Variants in PCDHA11 observed in about 807,000 individuals in gnomAD.
PCDHA11 encodes protocadherin alpha 11.
In PCDHA11, 61 loss-of-function variants were observed where a neutral mutation model predicts 70.3. The ratio of observed to expected loss-of-function variants is 0.87; its 90% confidence interval spans 0.71 to 1.07. The LOEUF is 1.07. Among genes scored for constraint, PCDHA11 ranks in the 50% least tolerant of loss-of-function variants. The pLI, the probability that PCDHA11 is intolerant of heterozygous loss-of-function variation, is 0.00. For missense variants in PCDHA11, 1,324 were observed against 1,237.5 expected (o/e 1.07, Z -1.05); for synonymous variants, 633 against 555.1 (o/e 1.14, Z -1.97).
chr5:140,986,074 T>C (rs1342378005), intron 3 of PCDHA11, among the ~76,000 whole-genome samples: 1 of 152,124 alleles, frequency 6.6e-6, no homozygotes, highest in African/African-American at 2.4e-5. Context: ...AAAGAAACTG[T>C]TCATTTATTT....
At chr5:140,876,819 C>T in intron 1 of PCDHA11, 1 of 1,614,180 alleles carries the variant, frequency 6.2e-7, no homozygotes, top group Admixed American at 1.7e-5. Flanking sequence ...CCGACGTGAA[C>T]GACAATGCGC....
At chr5:140,876,398 A>G (rs782094508) in intron 1 of PCDHA11, 1 of 1,613,962 alleles carries the variant, frequency 6.2e-7, no homozygotes, top group Non-Finnish European at 8.5e-7. Context: ...GGTGAACTGG[A>G]TTTTGAAGAG....
In PCDHA11 at chr5:140,955,830, T is replaced by G. The variant is rs564870909; in HGVS notation, c.2392-23119T>G. Among the ~76,000 whole-genome samples, 9 of 152,318 alleles carry G rather than the reference T, an allele frequency of 5.9e-5. No individual in the cohort carries two copies. The South Asian group carries it at 1.9e-3, about 32-fold the overall frequency. Reference sequence around the variant, plus strand: ...TGTCCACTGTGATTTCCTTGAGCAGTGGTTTGTCATTCTCCTTGAAGAGGT... The same window carrying G: ...TGTCCACTGTGATTTCCTTGAGCAGGGGTTTGTCATTCTCCTTGAAGAGGT... On this transcript the variant is annotated intron_variant, in intron 1 of 3. Coordinates refer to ENST00000398640, the MANE Select transcript of PCDHA11 (RefSeq NM_018902.5).
intron 3 of PCDHA11, among the ~76,000 whole-genome samples, chr5:141,009,130 G>A (rs1395175038): frequency 2.0e-5 from 3 of 152,188 alleles, no homozygotes; most frequent in African/African-American, 7.2e-5. Flanking sequence ...TGGTATCCTG[G>A]TGAAAAAACC....
chr5:140,889,978 A>C (rs1326390288), intron 1 of PCDHA11, among the ~76,000 whole-genome samples: 1 of 152,202 alleles, frequency 6.6e-6, no homozygotes, highest in Non-Finnish European at 1.5e-5. Flanking sequence ...TCCAGTCTCC[A>C]GTTGTCTTAG....
chr5:140,938,765 AC>A (rs1309568560), intron 1 of PCDHA11, among the ~76,000 whole-genome samples: 1 of 152,182 alleles, frequency 6.6e-6, no homozygotes, highest in Non-Finnish European at 1.5e-5. Context: ...GTTATTGGGT[AC>A]TAGACTTAGT....
intron 1 of PCDHA11, chr5:140,884,747 T>A: frequency 7.0e-7 from 1 of 1,433,190 alleles, no homozygotes; most frequent in African/African-American, 1.4e-5. Context: ...TCCTGCCAAT[T>A]TCAAATTATT....
intron 3 of PCDHA11, among the ~76,000 whole-genome samples, chr5:140,988,734 T>C (rs2097310672): frequency 1.3e-5 from 2 of 152,212 alleles, no homozygotes. Context: ...ATAGTAATTA[T>C]TCTAGGATTG....
intron 1 of PCDHA11, chr5:140,927,637 G>C (rs1554204838): frequency 6.2e-7 from 1 of 1,614,176 alleles, no homozygotes; most frequent in Non-Finnish European, 8.5e-7. Flanking sequence ...TGCACCCAAT[G>C]GGACTGTGTT....
chr5:140,927,008 T>C (rs1482906318), intron 1 of PCDHA11: 1 of 1,612,396 alleles, frequency 6.2e-7, no homozygotes, highest in Admixed American at 1.7e-5. Context: ...GTAGGCAATC[T>C]CTCCGCGGAC....
intron 1 of PCDHA11, among the ~76,000 whole-genome samples, chr5:140,939,691 G>A (rs782722243): frequency 3.5e-4 from 53 of 152,250 alleles, no homozygotes; most frequent in African/African-American, 1.2e-3. Context: ...TGTGTTGCTG[G>A]ACATTATCAT....
chr5:141,010,030 C>CTAG lies in PCDHA11; in HGVS notation c.*93_*94insTAG. The stretch of plus-strand genomic sequence containing the variant: ...ATTCCCTGCTCCTTTTTCCTATCTA[C>CTAG]ATGAGCCCTCTTAGAGACCTCAGAA... On this transcript the variant is annotated 3_prime_UTR_variant, in exon 4 of 4. Coordinates refer to ENST00000398640, the MANE Select transcript of PCDHA11 (RefSeq NM_018902.5). 1 of 1,580,910 alleles carries CTAG rather than the reference C, an allele frequency of 6.3e-7. No homozygotes were observed. Among genetic ancestry groups the CTAG allele is most frequent in the Admixed American group, 1.8e-5 (1 of 54,776 alleles).
At chr5:140,882,556 T>A (rs367760301) in intron 1 of PCDHA11, 11 of 1,614,194 alleles carry the variant, frequency 6.8e-6, no homozygotes, top group Non-Finnish European at 9.3e-6. Flanking sequence ...AGGAGCTGTG[T>A]GGGCGGAGCG....
intron 3 of PCDHA11, among the ~76,000 whole-genome samples, chr5:140,989,205 C>G (rs750885432): frequency 6.6e-6 from 1 of 152,192 alleles, no homozygotes; most frequent in Admixed American, 6.5e-5. Flanking sequence ...TTCTAGCTTT[C>G]TTTATACACC....
intron 1 of PCDHA11, chr5:140,884,132 T>C: frequency 6.2e-7 from 1 of 1,613,400 alleles, no homozygotes; most frequent in South Asian, 1.1e-5. Context: ...GCGCATCCCG[T>C]TCCGCGTGGG....
intron 1 of PCDHA11, among the ~76,000 whole-genome samples, chr5:140,891,998 A>C (rs1336951985): frequency 2.6e-5 from 4 of 152,200 alleles, no homozygotes; most frequent in Non-Finnish European, 5.9e-5. Flanking sequence ...AGTCTGTGGC[A>C]TTCTGTTATA....
intron 1 of PCDHA11, among the ~76,000 whole-genome samples, chr5:140,947,889 A>G (rs1275614644): frequency 1.3e-5 from 2 of 151,626 alleles, no homozygotes; most frequent in Non-Finnish European, 3.0e-5. Flanking sequence ...CAATATAAAC[A>G]GAAGTGGTGA....
intron 3 of PCDHA11, among the ~76,000 whole-genome samples, chr5:141,000,371 C>G (rs868969531): frequency 6.1e-5 from 3 of 49,260 alleles, no homozygotes; most frequent in Admixed American, 2.7e-4. Flanking sequence ...GTCTCTCTCT[C>G]TCTCTCTCTC....
At chr5:140,873,665 A>G (rs1554166831) in intron 1 of PCDHA11, among the ~76,000 whole-genome samples, 1 of 152,034 alleles carries the variant, frequency 6.6e-6, no homozygotes. Flanking sequence ...CACTATTATT[A>G]TTTGTTTCTT....
Sources: allele counts gnomAD v4.1 joint callset (sites outside exome capture counted in the v4.1 genomes callset), GRCh38; gene constraint gnomAD v4.1.1; transcripts MANE v1.5; gene names NCBI Gene and HGNC (gene_info 2026-07-23, HGNC 2026-07-21).